SLC8A1: variants seen among roughly 807,000 people sequenced by gnomAD.
SLC8A1 encodes solute carrier family 8 member A1.
A neutral mutation model predicts 68.3 loss-of-function variants in SLC8A1; 18 were observed. That is an observed-to-expected ratio of 0.26 (90% confidence interval 0.18 to 0.39). SLC8A1 has a LOEUF of 0.39. Ranked by LOEUF, SLC8A1 falls within the 10% of genes least tolerant of loss-of-function variation. SLC8A1 has a pLI of 1.00. For synonymous variants in SLC8A1, 475 were observed against 415.5 expected (o/e 1.14, Z -1.74); for missense variants, 985 against 1,156.7 (o/e 0.85, Z 2.15).
intron 2 of SLC8A1, among the ~76,000 whole-genome samples, chr2:40,198,735 G>C (rs962898878): frequency 6.6e-6 from 1 of 151,954 alleles, no homozygotes; most frequent in East Asian, 1.9e-4. Flanking sequence ...ATGATACTGG[G>C]TAGGTTCCCT....
At chr2:40,388,205 G>C (rs1384670489) in intron 2 of SLC8A1, among the ~76,000 whole-genome samples, 1 of 152,106 alleles carries the variant, frequency 6.6e-6, no homozygotes, top group Non-Finnish European at 1.5e-5. Flanking sequence ...ACATTTGAGA[G>C]TATAATTAAA....
intron 2 of SLC8A1, among the ~76,000 whole-genome samples, chr2:40,226,613 G>A (rs2059011314): frequency 6.6e-6 from 1 of 152,112 alleles, no homozygotes; most frequent in Non-Finnish European, 1.5e-5. Context: ...CTCCACTCTA[G>A]AGGCAGAAGA....
intron 2 of SLC8A1, among the ~76,000 whole-genome samples, chr2:40,387,588 A>C (rs1683963654): frequency 6.6e-6 from 1 of 151,428 alleles, no homozygotes; most frequent in Non-Finnish European, 1.5e-5. Flanking sequence ...ATATTTTCAT[A>C]ATAAACTATC....
chr2:40,480,860 G>A (rs917309830), intron 1 of SLC8A1, among the ~76,000 whole-genome samples: 1 of 152,290 alleles, frequency 6.6e-6, no homozygotes, highest in Middle Eastern at 3.4e-3. Flanking sequence ...GAGACCAGCA[G>A]CCACTGACTT....
intron 2 of SLC8A1, among the ~76,000 whole-genome samples, chr2:40,302,031 CTGTGTGTGTGTGTGTGTGTG>C (rs374407377): frequency 4.5e-5 from 6 of 132,320 alleles, no homozygotes; most frequent in Non-Finnish European, 7.9e-5. Flanking sequence ...CCGGGCTAAT[CTGTGTGTGTGTGTGTGTGTG>C]TGTGTGTGTG....
chr2:40,454,746 G>A (rs1249614792), upstream of SLC8A1, among the ~76,000 whole-genome samples: 1 of 152,062 alleles, frequency 6.6e-6, no homozygotes, highest in African/African-American at 2.4e-5. Context: ...TTTTTATAAT[G>A]GTTCCAGGGC....
chr2:40,473,297 C>T (rs1704099359), intron 1 of SLC8A1, among the ~76,000 whole-genome samples: 1 of 152,058 alleles, frequency 6.6e-6, no homozygotes, highest in Non-Finnish European at 1.5e-5. Flanking sequence ...AAGCAAATTT[C>T]AATCTATGGC....
At chr2:40,486,992 GA>G (rs1323234832) in intron 1 of SLC8A1, among the ~76,000 whole-genome samples, 1 of 151,022 alleles carries the variant, frequency 6.6e-6, no homozygotes, top group African/African-American at 2.4e-5. Context: ...ACTGAACAAT[GA>G]GAACACTTGG....
intron 2 of SLC8A1, among the ~76,000 whole-genome samples, chr2:40,279,036 G>A (rs1194802852): frequency 6.6e-6 from 1 of 151,992 alleles, no homozygotes; most frequent in Non-Finnish European, 1.5e-5. Context: ...ATTTTACAAG[G>A]CCAAAACCCT....
chr2:40,479,544 G>C (rs1047449556), intron 1 of SLC8A1, among the ~76,000 whole-genome samples: 2 of 152,082 alleles, frequency 1.3e-5, no homozygotes, highest in African/African-American at 4.8e-5. Context: ...CATAATAGTA[G>C]TAGGTATTTA....
At chr2:40,362,459 GAAA>G (rs1674903478) in intron 2 of SLC8A1, among the ~76,000 whole-genome samples, 3 of 152,152 alleles carry the variant, frequency 2.0e-5, no homozygotes, top group African/African-American at 7.2e-5. Flanking sequence ...AAGAAAGGAA[GAAA>G]GAATGCATCA....
intron 2 of SLC8A1, among the ~76,000 whole-genome samples, chr2:40,375,553 T>C (rs1041257401): frequency 3.3e-5 from 5 of 152,144 alleles, no homozygotes; most frequent in African/African-American, 1.2e-4. Flanking sequence ...CTTTCATGTA[T>C]ATGACTCCAG....
chr2:40,196,195 A>T (rs2052983038), intron 2 of SLC8A1, among the ~76,000 whole-genome samples: 1 of 151,996 alleles, frequency 6.6e-6, no homozygotes, highest in Admixed American at 6.6e-5. Context: ...GGACAAGGAA[A>T]AATTTTCAAG....
At chr2:40,224,291 G>T (rs1248582601) in intron 2 of SLC8A1, among the ~76,000 whole-genome samples, 1 of 152,094 alleles carries the variant, frequency 6.6e-6, no homozygotes, top group East Asian at 1.9e-4. Flanking sequence ...AAAGGCTTCA[G>T]GAGGCAGAGT....
intron 1 of SLC8A1, among the ~76,000 whole-genome samples, chr2:40,498,493 G>A (rs1705852594): frequency 6.6e-6 from 1 of 151,996 alleles, no homozygotes; most frequent in African/African-American, 2.4e-5. Flanking sequence ...TAAGCTTTAG[G>A]GATCTAAAAC....
intron 2 of SLC8A1, among the ~76,000 whole-genome samples, chr2:40,212,470 A>G (rs1462907328): frequency 6.6e-6 from 1 of 151,900 alleles, no homozygotes; most frequent in Non-Finnish European, 1.5e-5. Flanking sequence ...TTTTTAGTAG[A>G]GACGGGGCTT....
chr2:40,288,305 T>A (rs1425771829), intron 2 of SLC8A1, among the ~76,000 whole-genome samples: 1 of 152,212 alleles, frequency 6.6e-6, no homozygotes, highest in African/African-American at 2.4e-5. Context: ...GCTAATCATT[T>A]GCTATTTAAA....
chr2:40,179,213 C>T (rs548302442), intron 2 of SLC8A1, among the ~76,000 whole-genome samples: 3 of 152,274 alleles, frequency 2.0e-5, no homozygotes, highest in African/African-American at 4.8e-5. Flanking sequence ...GGGGTGGCAG[C>T]AGGTGCGAGT....
At chr2:40,199,267 C>T (rs1183344557) in intron 2 of SLC8A1, among the ~76,000 whole-genome samples, 1 of 151,754 alleles carries the variant, frequency 6.6e-6, no homozygotes, top group Non-Finnish European at 1.5e-5. Flanking sequence ...TGGAAATGGA[C>T]ACTGCTCACC....
Sources: allele counts gnomAD v4.1 joint callset (sites outside exome capture counted in the v4.1 genomes callset), GRCh38; gene constraint gnomAD v4.1.1; transcripts MANE v1.5; gene names NCBI Gene and HGNC (gene_info 2026-07-23, HGNC 2026-07-21).